The following PTPN13 variants were observed in gnomAD, a reference collection of about 807,000 sequenced individuals.
The protein encoded by PTPN13 is protein tyrosine phosphatase non-receptor type 13.
A neutral mutation model predicts 284.0 loss-of-function variants in PTPN13; 191 were observed. The ratio of observed to expected loss-of-function variants is 0.67; its 90% CI spans 0.60 to 0.76. The LOEUF (loss-of-function observed/expected upper bound fraction) is 0.76. PTPN13 is among the 30% of genes least tolerant of loss of function. PTPN13 has a pLI of 0.00. For missense variants in PTPN13, 2,797 were observed against 2,939.9 expected (o/e 0.95, Z 1.12); for synonymous variants, 986 against 1,022.3 (o/e 0.96, Z 0.68).
In PTPN13 at chr4:86,770,122, G is replaced by A; in HGVS notation, c.4726G>A (p.Gly1576Arg). 1 of 1,613,628 alleles carries A rather than the reference G, an allele frequency of 6.2e-7. No individual in the cohort carries two copies. The highest frequency in any genetic ancestry group is 8.5e-7 in the Non-Finnish European group (1 of 1,179,726). The change falls in exon 30 of 48, where the codon GGA (glycine) becomes AGA (arginine). Residue 1576 changes from glycine to arginine, a missense_variant. Coordinates refer to ENST00000411767, the MANE Select transcript of PTPN13 (RefSeq NM_080683.3). ...CCAGGAAGTCATATCTGCTCTCAGG[G>A]GAACTGCTCCAGAAGTATTCTTGCT... ...SQQEVISALR[G>R]TAPEVFLLLC...
At chr4:86,680,380 T>C (rs528615499) in intron 3 of PTPN13, among the ~76,000 whole-genome samples, 2 of 151,718 alleles carry the variant, frequency 1.3e-5, no homozygotes. Context: ...TATCTATCTA[T>C]CTATCTATCT....
chr4:86,766,096 G>A (rs1262423765), intron 26 of PTPN13, among the ~76,000 whole-genome samples: 2 of 152,094 alleles, frequency 1.3e-5, no homozygotes, highest in African/African-American at 4.8e-5. Context: ...CCAAAGTGTT[G>A]GGATTACAGG....
chr4:86,725,001 T>C, intron 10 of PTPN13, among the ~76,000 whole-genome samples: 1 of 142,032 alleles, frequency 7.0e-6, no homozygotes, highest in Non-Finnish European at 1.5e-5. Context: ...TGGTGTGTGA[T>C]GTTTCCCGCC....
intron 3 of PTPN13, among the ~76,000 whole-genome samples, chr4:86,681,521 G>C (rs923019188): frequency 6.6e-6 from 1 of 152,206 alleles, no homozygotes; most frequent in Admixed American, 6.5e-5. Context: ...CCGAATGTCA[G>C]TAGTGCTGAG....
At chr4:86,668,769 T>TG (rs1482889965) in intron 2 of PTPN13, among the ~76,000 whole-genome samples, 1 of 148,314 alleles carries the variant, frequency 6.7e-6, no homozygotes, top group Non-Finnish European at 1.5e-5. Flanking sequence ...CTAATTTTTT[T>TG]TTTTTTTTTT....
intron 15 of PTPN13, among the ~76,000 whole-genome samples, chr4:86,737,712 G>T (rs951288654): frequency 1.3e-5 from 2 of 151,518 alleles, no homozygotes; most frequent in Non-Finnish European, 2.9e-5. Context: ...TTTATGTCTG[G>T]CTTCTTTCAC....
intron 30 of PTPN13, among the ~76,000 whole-genome samples, chr4:86,770,634 A>G (rs1739881943): frequency 6.6e-6 from 1 of 152,196 alleles, no homozygotes. Context: ...TCTCTTGATG[A>G]GCGTATAAGT....
intron 1 of PTPN13, among the ~76,000 whole-genome samples, chr4:86,600,555 T>A (rs1472875657): frequency 1.3e-5 from 2 of 151,584 alleles, no homozygotes; most frequent in African/African-American, 2.4e-5. Flanking sequence ...ATCAGTTTCA[T>A]GTTTTAATGC....
rs573902641 is a variant in PTPN13 at position 86,716,700 on chromosome 4, T to G, written c.1291+75T>G. The G allele has an allele frequency of 9.3e-6, 10 of 1,070,950 alleles. No individual in the cohort carries two copies. In the East Asian group the frequency reaches 2.3e-4, roughly 25 times the overall value. The allele number at this position is 1,070,950 out of a possible 1,614,324, so 66.3% of individuals were successfully genotyped here. ...TATTATTTTCAATAGTGTTCAAATA[T>G]TAATATAAATTGCCAGAAAGAATAA... On this transcript the variant is annotated intron_variant, in intron 8 of 47. Transcript: ENST00000411767.
intron 40 of PTPN13, among the ~76,000 whole-genome samples, chr4:86,792,121 G>A (rs530706997): frequency 1.3e-5 from 2 of 152,266 alleles, no homozygotes; most frequent in African/African-American, 4.8e-5. Flanking sequence ...AAAAAGGTTA[G>A]ATGAATGGCT....
At chr4:86,617,517 T>C (rs1332730555) in intron 1 of PTPN13, among the ~76,000 whole-genome samples, 1 of 152,228 alleles carries the variant, frequency 6.6e-6, no homozygotes, top group African/African-American at 2.4e-5. Context: ...GTTGGTATGC[T>C]GCACCCATTA....
chr4:86,763,116 T>G lies in PTPN13; in HGVS notation c.3943T>G (p.Tyr1315Asp), dbSNP rs746472628. 3 of 1,613,706 alleles carry G rather than the reference T, an allele frequency of 1.9e-6. No individual in the cohort carries two copies. Among genetic ancestry groups the G allele is most frequent in the African/African-American group, 2.7e-5 (2 of 74,870 alleles). The change falls in exon 24 of 48, where the codon TAC (tyrosine) becomes GAC (aspartate). Residue 1315 changes from tyrosine to aspartate, a missense_variant. By Grantham distance (160) the Tyr-to-Asp change is radical (BLOSUM62 -3). Transcript: ENST00000411767. ...KKPGISDVTD[Y>D]SDRGDSDMDE... Reference sequence around the variant, plus strand: ...GCCAGGCATTTCTGATGTAACTGATTACTCAGACCGTGGAGATTCAGACAT... The same window carrying G: ...GCCAGGCATTTCTGATGTAACTGATGACTCAGACCGTGGAGATTCAGACAT...
At chr4:86,759,487 A>G (rs1028992985) in intron 23 of PTPN13, among the ~76,000 whole-genome samples, 3 of 152,212 alleles carry the variant, frequency 2.0e-5, no homozygotes, top group Non-Finnish European at 4.4e-5. Flanking sequence ...TTCTTGAGCC[A>G]TAGTTTTCTT....
chr4:86,676,765 G>C (rs1164253320), intron 3 of PTPN13, among the ~76,000 whole-genome samples: 1 of 152,130 alleles, frequency 6.6e-6, no homozygotes, highest in Non-Finnish European at 1.5e-5. Flanking sequence ...CAATTACAAA[G>C]GACAAATACT....
chr4:86,705,064 G>A (rs186679354), intron 7 of PTPN13, among the ~76,000 whole-genome samples: 35 of 152,196 alleles, frequency 2.3e-4, no homozygotes, highest in South Asian at 4.2e-4. Context: ...GGCTGGGCGC[G>A]GTGGCTGATG....
In PTPN13 at chr4:86,766,519, TAAC is replaced by T; in HGVS notation, c.4329+4_4329+6del. ...GAAACACTGAGAAATACAGGACAGGTAACAGATCATTATACCAACCTTTTACAG... is the reference window on the plus strand; with the variant it reads ...GAAACACTGAGAAATACAGGACAGGTAGATCATTATACCAACCTTTTACAG... On this transcript the variant is annotated splice_donor_5th_base_variant and intron_variant, in intron 27 of 47. Transcript: ENST00000411767. 1 of 1,593,428 alleles carries T rather than the reference TAAC, an allele frequency of 6.3e-7. No individual in the cohort carries two copies. The highest frequency in any genetic ancestry group is 8.5e-7 in the Non-Finnish European group (1 of 1,169,614).
At chr4:86,624,072 G>A (rs17011962) in intron 1 of PTPN13, among the ~76,000 whole-genome samples, 7,053 of 152,114 alleles carry the variant, frequency 0.046, 220 homozygotes, top group African/African-American at 0.06. Flanking sequence ...TCAATGCATA[G>A]CACATAATAG....
intron 3 of PTPN13, among the ~76,000 whole-genome samples, chr4:86,677,724 A>G (rs1303796140): frequency 6.6e-6 from 1 of 152,092 alleles, no homozygotes; most frequent in Admixed American, 6.5e-5. Flanking sequence ...TAGGTCTTTA[A>G]ATATCACTTC....
intron 15 of PTPN13, among the ~76,000 whole-genome samples, chr4:86,740,294 G>A (rs954270645): frequency 6.6e-5 from 10 of 152,186 alleles, no homozygotes; most frequent in Admixed American, 5.2e-4. Flanking sequence ...TGGGATCCAG[G>A]CATTTCCATA....
Sources: gnomAD v4.1 joint callset for allele counts (sites outside exome capture counted in the v4.1 genomes callset) on GRCh38, gnomAD v4.1.1 for gene constraint, MANE v1.5 for transcripts, NCBI Gene and HGNC (gene_info 2026-07-23, HGNC 2026-07-21) for gene names.